Variants in CFI observed in about 807,000 individuals in gnomAD.
CFI encodes complement factor I.
A neutral mutation model predicts 78.8 loss-of-function variants in CFI; 66 were observed. That is an observed-to-expected ratio of 0.84 (90% CI 0.69 to 1.03). CFI has a LOEUF of 1.03. CFI is among the 50% of genes least tolerant of loss of function. The pLI, the probability that CFI is intolerant of heterozygous loss-of-function variation, is 0.00. For missense variants in CFI, 706 were observed against 704.5 expected (o/e 1.00, Z -0.02); for synonymous variants, 250 against 232.6 (o/e 1.07, Z -0.68).
intron 1 of CFI, among the ~76,000 whole-genome samples, chr4:109,791,031 T>C (rs1237025728): frequency 1.3e-5 from 2 of 152,224 alleles, no homozygotes; most frequent in African/African-American, 2.4e-5. Context: ...CACACTGTGT[T>C]CCACAATGGT....
At chr4:109,758,830 T>C (rs978125530) in intron 6 of CFI, among the ~76,000 whole-genome samples, 1 of 152,224 alleles carries the variant, frequency 6.6e-6, no homozygotes, top group East Asian at 1.9e-4. Context: ...CAGTGGCTCA[T>C]GCCTGTAATG....
At position 109,771,890 on chromosome 4, in the gene CFI, A is replaced by T. The variant is rs535285848; in HGVS notation, c.58-5066T>A. On this transcript the variant is annotated intron_variant, in intron 1 of 12. Transcript: ENST00000394634. ...TATAGGCTAAGGGGAGGAATTTAAC[A>T]AAACAGGAGAGATTGCATTTTCAAG... Among the ~76,000 whole-genome samples the T allele has an allele frequency of 2.6e-5, 4 of 152,244 alleles. No homozygotes were observed. The East Asian group carries it at 7.7e-4, about 29-fold the overall frequency.
At chr4:109,781,912 A>G (rs1489344963) in intron 1 of CFI, among the ~76,000 whole-genome samples, 1 of 152,168 alleles carries the variant, frequency 6.6e-6, no homozygotes, top group Non-Finnish European at 1.5e-5. Context: ...CCAAAGTCAC[A>G]TGATCACCTC....
chr4:109,756,913 GAAAGAAAGAAA>G (rs1405939097), intron 7 of CFI, among the ~76,000 whole-genome samples: 1 of 101,940 alleles, frequency 9.8e-6, no homozygotes, highest in Non-Finnish European at 2.1e-5. Flanking sequence ...AAGAAAGAAA[GAAAGAAAGAAA>G]GAAAGAAAGA....
At chr4:109,766,495 T>C in intron 2 of CFI, 59 bp downstream of exon 2, 1 of 1,573,616 alleles carries the variant, frequency 6.4e-7, no homozygotes, top group Non-Finnish European at 8.7e-7. Flanking sequence ...TGATAGAAAG[T>C]ATGGCATACA....
At chr4:109,745,175 T>A (rs1724260684) in intron 11 of CFI, among the ~76,000 whole-genome samples, 1 of 152,160 alleles carries the variant, frequency 6.6e-6, no homozygotes, top group African/African-American at 2.4e-5. Context: ...ATCTTCCTTT[T>A]TTTCTGTTAT....
chr4:109,736,309 G>A (rs530163266), downstream of CFI, among the ~76,000 whole-genome samples: 3 of 152,242 alleles, frequency 2.0e-5, no homozygotes, highest in South Asian at 6.2e-4. Flanking sequence ...CCTTTGGGAT[G>A]AGTCAGCCTA....
At chr4:109,800,444 G>A (rs1560572984) in intron 1 of CFI, among the ~76,000 whole-genome samples, 1 of 140,780 alleles carries the variant, frequency 7.1e-6, no homozygotes, top group African/African-American at 2.7e-5. Flanking sequence ...CAATCCTCTT[G>A]CCTCAGCCTC....
Position 109,740,751 on chromosome 4 carries a change from A to G in CFI, c.*142T>C, listed in dbSNP as rs780005875. ...ATACAACAAAATTCCAATATGGCAT[A>G]AACTCTGTGGAGACCTTTAAAAATA... On this transcript the variant is annotated 3_prime_UTR_variant, in exon 13 of 13. Coordinates refer to ENST00000394634, the MANE Select transcript of CFI (RefSeq NM_000204.5). The G allele has an allele frequency of 1.7e-5, 14 of 804,374 alleles. No individual in the cohort carries two copies. Among genetic ancestry groups the G allele is most frequent in the Non-Finnish European group, 2.1e-6 (1 of 479,718 alleles). 49.8% of individuals were successfully genotyped at this position (804,374 alleles called of 1,614,324 possible). A position where few individuals can be genotyped will look rare whatever the true frequency, so the allele number is the denominator to read the frequency against.
downstream of CFI, among the ~76,000 whole-genome samples, chr4:109,737,356 C>T (rs1229467280): frequency 1.3e-5 from 2 of 152,158 alleles, no homozygotes; most frequent in African/African-American, 2.4e-5. Context: ...TTTGTATCTG[C>T]CTGGAAAGTT....
At chr4:109,749,076 G>T (rs930051606) in intron 10 of CFI, 142 bp downstream of exon 10, 2 of 832,312 alleles carry the variant, frequency 2.4e-6, no homozygotes, top group Non-Finnish European at 2.1e-6. Flanking sequence ...AATTCCAGTC[G>T]CGAATACCAG....
intron 1 of CFI, among the ~76,000 whole-genome samples, chr4:109,781,513 T>G (rs556380701): frequency 6.6e-6 from 1 of 152,162 alleles, no homozygotes; most frequent in South Asian, 2.1e-4. Context: ...GAAATGGTAA[T>G]TAAAAAATTA....
At chr4:109,799,468 T>G (rs1732481909) in intron 1 of CFI, among the ~76,000 whole-genome samples, 1 of 152,194 alleles carries the variant, frequency 6.6e-6, no homozygotes, top group Non-Finnish European at 1.5e-5. Flanking sequence ...ACATGGTCAG[T>G]GTTTGCTGCA....
chr4:109,779,392 A>T (rs1483679490), intron 1 of CFI, among the ~76,000 whole-genome samples: 3 of 152,144 alleles, frequency 2.0e-5, no homozygotes, highest in African/African-American at 7.2e-5. Context: ...AATTGCTTCA[A>T]AGAGAATAAA....
In CFI at chr4:109,752,034, T is replaced by C. The variant is rs1198648241; in HGVS notation, c.940+434A>G. ...GCTTTTAGCGCACAACTGGCCAAGG[T>C]ACAGATCTTCAAAGGTCTCCTATTA... On this transcript the variant is annotated intron_variant, in intron 8 of 12. Coordinates refer to ENST00000394634, the MANE Select transcript of CFI (RefSeq NM_000204.5). Among the ~76,000 whole-genome samples the C allele has an allele frequency of 2.0e-5, 3 of 152,188 alleles. No homozygotes were observed. In the East Asian group the frequency reaches 5.8e-4, roughly 29 times the overall value.
chr4:109,765,998 G>A (rs1332817575), intron 2 of CFI, among the ~76,000 whole-genome samples: 1 of 152,090 alleles, frequency 6.6e-6, no homozygotes, highest in African/African-American at 2.4e-5. Flanking sequence ...GGCACCTGTA[G>A]TCCCAGCTAC....
chr4:109,778,056 A>C (rs1278265442), intron 1 of CFI, among the ~76,000 whole-genome samples: 47 of 151,872 alleles, frequency 3.1e-4, no homozygotes, highest in African/African-American at 8.0e-4. Flanking sequence ...GACACCCTAA[A>C]ATCACAATTA....
At chr4:109,783,136 AG>A (rs1296677254) in intron 1 of CFI, among the ~76,000 whole-genome samples, 1 of 152,188 alleles carries the variant, frequency 6.6e-6, no homozygotes, top group Admixed American at 6.6e-5. Flanking sequence ...TTCATGACCA[AG>A]AACCCAAAAG....
chr4:109,786,517 T>C (rs912425198), intron 1 of CFI, among the ~76,000 whole-genome samples: 3 of 152,116 alleles, frequency 2.0e-5, no homozygotes, highest in Non-Finnish European at 4.4e-5. Context: ...ATATGCCTTA[T>C]CCTCAAGTTT....
Sources: gnomAD v4.1 joint callset for allele counts (sites outside exome capture counted in the v4.1 genomes callset) on GRCh38, gnomAD v4.1.1 for gene constraint, MANE v1.5 for transcripts, NCBI Gene and HGNC (gene_info 2026-07-23, HGNC 2026-07-21) for gene names.